PLA2G6: variants seen among roughly 807,000 people sequenced by gnomAD.
PLA2G6 encodes the protein phospholipase A2 group VI.
In PLA2G6, 62 loss-of-function variants were observed where a neutral mutation model predicts 83.8. That is an observed-to-expected ratio of 0.74 (90% confidence interval 0.60 to 0.91). PLA2G6 has a LOEUF of 0.91. Among genes scored for constraint, PLA2G6 ranks in the 40% least tolerant of loss-of-function variants. The pLI, the probability that PLA2G6 is intolerant of heterozygous loss-of-function variation, is 0.00. For synonymous variants in PLA2G6, 417 were observed against 449.8 expected (o/e 0.93, Z 0.92); for missense variants, 944 against 1,102.0 (o/e 0.86, Z 2.03).
At chr22:38,125,309 T>C (rs2087786165) in intron 10 of PLA2G6, among the ~76,000 whole-genome samples, 2 of 152,000 alleles carry the variant, frequency 1.3e-5, no homozygotes, top group African/African-American at 4.8e-5. Flanking sequence ...TGTGGGTGTG[T>C]GTGCGTGCAT....
In PLA2G6 at chr22:38,159,106, TAAAC is replaced by T. The variant is rs1023102343; in HGVS notation, c.209+10108_209+10111del. 1.6e-4 allele frequency among the ~76,000 whole-genome samples: 25 copies of T among 152,090 alleles called. No individual in the cohort carries two copies. The South Asian group carries it at 4.2e-3, about 25-fold the overall frequency. On this transcript the variant is annotated intron_variant, in intron 2 of 16. Transcript: ENST00000332509. ...CCCAGCTACTCAGGTTTTCAAAAAA[TAAAC>T]AAAGCCAAAAGTTGGTTCTTTGGAA...
At chr22:38,139,444 TTTA>T (rs2088759854) in intron 5 of PLA2G6, 1 of 151,766 alleles carries the variant, frequency 6.6e-6, no homozygotes, top group African/African-American at 2.4e-5. Flanking sequence ...TATTTATTTA[TTTA>T]TTTTTTGAGA....
chr22:38,179,158 G>C (rs545317450), intron 1 of PLA2G6, among the ~76,000 whole-genome samples: 2 of 152,334 alleles, frequency 1.3e-5, no homozygotes, highest in South Asian at 4.1e-4. Flanking sequence ...TAGGCAAAGA[G>C]AGCGTGTGCA....
chr22:38,181,502 G>C (rs2090845932), intron 1 of PLA2G6, among the ~76,000 whole-genome samples, 162 bp downstream of exon 1: 1 of 152,110 alleles, frequency 6.6e-6, no homozygotes, highest in African/African-American at 2.4e-5. Flanking sequence ...AGGAGACTGG[G>C]GTTCAGGGGA....
At chr22:38,172,627 G>A (rs80304611) in intron 1 of PLA2G6, among the ~76,000 whole-genome samples, 1 of 152,252 alleles carries the variant, frequency 6.6e-6, no homozygotes, top group African/African-American at 2.4e-5. Flanking sequence ...GGAAGATGGG[G>A]ACCTGTGGGA....
chr22:38,122,101 A>C (rs933810693), intron 11 of PLA2G6, among the ~76,000 whole-genome samples: 1 of 152,106 alleles, frequency 6.6e-6, no homozygotes, highest in African/African-American at 2.4e-5. Flanking sequence ...CACCTCCTGG[A>C]CTGGCTGAGC....
In PLA2G6 at chr22:38,128,396, T is replaced by A. The variant is rs1243367370; in HGVS notation, c.1221A>T (p.Arg407Ser). 1.2e-6 allele frequency: 2 copies of A among 1,614,074 alleles called. No homozygotes were observed. The highest frequency in any genetic ancestry group is 2.2e-5 in the South Asian group (2 of 91,070). ...VTRKAILTLL[R>S]TVGAEYCFPP... ...GGAAGCAGTATTCGGCCCCCACGGT[T>A]CTCAGCAGAGTCAAGATCGCCTTCC... is the stretch of plus-strand genomic sequence containing the variant. The change falls in exon 9 of 17, where the codon AGA (arginine) becomes AGT (serine). Residue 407 changes from arginine to serine, a missense_variant. By Grantham distance (110) the Arg-to-Ser change is moderately radical. Transcript: ENST00000332509. The surrounding 1 kb of genome is among the most constrained non-coding windows in gnomAD (Gnocchi z 4.4).
chr22:38,176,037 G>A (rs373101142), intron 1 of PLA2G6, among the ~76,000 whole-genome samples: 274 of 152,178 alleles, frequency 1.8e-3, no homozygotes, highest in African/African-American at 6.3e-3. Context: ...TCTCCACAAC[G>A]GATAGGGAAA....
intron 13 of PLA2G6, 153 bp downstream of exon 13, chr22:38,115,922 C>T (rs557521572): frequency 2.8e-5 from 41 of 1,455,660 alleles, no homozygotes; most frequent in African/African-American, 8.4e-5. Flanking sequence ...ACAGCTCCCC[C>T]GCAATCCCTG....
intron 1 of PLA2G6, among the ~76,000 whole-genome samples, chr22:38,172,142 C>T (rs1357571618): frequency 2.0e-5 from 3 of 152,198 alleles, no homozygotes; most frequent in East Asian, 1.9e-4. Flanking sequence ...TGGCACCATC[C>T]TGAAAGCTTT....
At chr22:38,169,538 G>C (rs559536052) in intron 1 of PLA2G6, 67 bp from the exon 2 acceptor site, 20 of 886,428 alleles carry the variant, frequency 2.3e-5, no homozygotes, top group Non-Finnish European at 1.8e-6. Context: ...CCAGTGCAGC[G>C]GTTTCCTGCA....
intron 3 of PLA2G6, chr22:38,143,731 G>GT: frequency 3.2e-6 from 1 of 308,490 alleles, no homozygotes; most frequent in Non-Finnish European, 6.4e-6. Flanking sequence ...CTAAAGTGCA[G>GT]TGAGGGTTTT....
Position 38,113,478 on chromosome 22 carries a change from C to T in PLA2G6, c.2202+9G>A, listed in dbSNP as rs1392339543. 11 of 1,613,760 alleles carry T rather than the reference C, an allele frequency of 6.8e-6. No homozygotes were observed. In the East Asian group the frequency reaches 1.8e-4, roughly 26 times the overall value. Reference sequence around the variant, plus strand: ...AGGGAAGTGGCCTGGGGGAGGGGCCCACACTCACACAGTCCACCACCATCT... The same window carrying T: ...AGGGAAGTGGCCTGGGGGAGGGGCCTACACTCACACAGTCCACCACCATCT... On this transcript the variant is annotated intron_variant, in intron 15 of 16. Transcript: ENST00000332509.
At chr22:38,170,162 C>G (rs2090381249) in intron 1 of PLA2G6, among the ~76,000 whole-genome samples, 2 of 148,952 alleles carry the variant, frequency 1.3e-5, no homozygotes, top group South Asian at 4.3e-4. Context: ...CGCGCCACTG[C>G]ACTCCAGCCT....
chr22:38,129,627 T>A, intron 7 of PLA2G6, 65 bp from the exon 8 acceptor site: 1 of 1,195,890 alleles, frequency 8.4e-7, no homozygotes, highest in Non-Finnish European at 1.2e-6. Flanking sequence ...AAGGGGCCCC[T>A]GGCTGCCAGC....
rs1263416047 is a variant in PLA2G6 at position 38,120,850 on chromosome 22, C to A, written c.1651G>T (p.Gly551Cys). 2.5e-6 allele frequency: 4 copies of A among 1,613,816 alleles called. No individual in the cohort carries two copies. The change falls in exon 12 of 17, where the codon GGC becomes TGC. Residue 551 changes from glycine (G) to cysteine (C), a missense_variant. Gly to Cys is a radical substitution (Grantham distance 159). Transcript: ENST00000332509. The stretch of plus-strand genomic sequence containing the variant: ...GGCCCCGACTCGTAGGGCCTGGAGC[C>A]CCGGAACACCTCATCCTTCATGCGA... ...YFRMKDEVFR[G>C]SRPYESGPLE...
At chr22:38,160,557 T>A (rs1158528304) in intron 2 of PLA2G6, among the ~76,000 whole-genome samples, 2 of 152,218 alleles carry the variant, frequency 1.3e-5, no homozygotes, top group African/African-American at 4.8e-5. Context: ...TAGAAAAGCC[T>A]TTATCTTGGC....
chr22:38,166,744 C>T (rs140799343), intron 2 of PLA2G6, among the ~76,000 whole-genome samples: 3 of 151,888 alleles, frequency 2.0e-5, no homozygotes, highest in Admixed American at 6.6e-5. Flanking sequence ...AAAATAAATA[C>T]ATACATACAT....
chr22:38,139,725 G>A (rs536508777), intron 5 of PLA2G6: 22 of 459,982 alleles, frequency 4.8e-5, no homozygotes, highest in South Asian at 1.1e-4. Context: ...GTGAGACACC[G>A]CGCCCAGCCA....
Sources: gnomAD v4.1 joint callset for allele counts (sites outside exome capture counted in the v4.1 genomes callset) on GRCh38, gnomAD v4.1.1 for gene constraint, Gnocchi (gnomAD v3.1) non-coding constraint, MANE v1.5 for transcripts, NCBI Gene and HGNC (gene_info 2026-07-23, HGNC 2026-07-21) for gene names.